The following MAPK4 variants were observed in gnomAD, a reference collection of about 807,000 sequenced individuals.
The protein encoded by MAPK4 is mitogen-activated protein kinase 4.
In MAPK4, 22 loss-of-function variants were observed where a neutral mutation model predicts 47.7. The observed-to-expected ratio is 0.46, with a 90% CI of 0.33 to 0.66. The LOEUF is 0.66. Among genes scored for constraint, MAPK4 ranks in the 30% least tolerant of loss-of-function variants. The probability of loss-of-function intolerance (pLI) is 0.02; values close to 1 mark genes in which losing one functional copy is unlikely to be tolerated. For missense variants in MAPK4, 736 were observed against 831.7 expected (o/e 0.88, Z 1.42); for synonymous variants, 390 against 365.7 (o/e 1.07, Z -0.76).
chr18:50,729,249 G>A lies in MAPK4; in HGVS notation c.1159G>A (p.Ala387Thr). The change falls in exon 6 of 6, where the codon GCG becomes ACG. Residue 387 changes from alanine (A) to threonine (T), a missense_variant. By Grantham distance (58) the Ala-to-Thr change is moderately conservative. Transcript: ENST00000400384. ...ACAGCGCGACCCGCGCGCGGGTTCG[G>A]CGCCACTGGCTGAGGACGTGCAGGT... ...EVQRDPRAGS[A>T]PLAEDVQVDP... is the part of the protein sequence containing the mutation. 1 of 1,608,644 alleles carries A rather than the reference G, an allele frequency of 6.2e-7. No individual in the cohort carries two copies. The highest frequency in any genetic ancestry group is 1.1e-5 in the South Asian group (1 of 90,968).
chr18:50,643,385 G>A (rs2042957536), intron 1 of MAPK4, among the ~76,000 whole-genome samples: 1 of 152,200 alleles, frequency 6.6e-6, no homozygotes, highest in South Asian at 2.1e-4. Flanking sequence ...TGGCATGGTG[G>A]TGCACACTTG....
chr18:50,720,176 G>A (rs1442954598), intron 3 of MAPK4, among the ~76,000 whole-genome samples: 5 of 152,134 alleles, frequency 3.3e-5, no homozygotes, highest in African/African-American at 7.2e-5. Flanking sequence ...CCCAAGTGAC[G>A]TCTGTCACAA....
chr18:50,673,014 C>T (rs778140060), intron 2 of MAPK4, among the ~76,000 whole-genome samples: 3 of 152,184 alleles, frequency 2.0e-5, no homozygotes, highest in Non-Finnish European at 4.4e-5. Flanking sequence ...TAGTGGCTCA[C>T]GCCTGTAATC....
chr18:50,599,490 C>T (rs2042515643), intron 1 of MAPK4, among the ~76,000 whole-genome samples: 1 of 152,182 alleles, frequency 6.6e-6, no homozygotes, highest in Non-Finnish European at 1.5e-5. Context: ...ACAATCTCGG[C>T]TCACTGCAAC....
chr18:50,610,128 T>C (rs2042619510), intron 1 of MAPK4, among the ~76,000 whole-genome samples: 1 of 152,238 alleles, frequency 6.6e-6, no homozygotes, highest in Non-Finnish European at 1.5e-5. Flanking sequence ...CCATTTACTT[T>C]AGCAGAGTTT....
intron 2 of MAPK4, among the ~76,000 whole-genome samples, chr18:50,712,801 T>C (rs1261497897): frequency 6.6e-6 from 1 of 152,196 alleles, no homozygotes; most frequent in Non-Finnish European, 1.5e-5. Context: ...CCCCTGAAGC[T>C]ACCTCCCCTC....
chr18:50,657,335 T>A (rs1174643456), intron 1 of MAPK4, among the ~76,000 whole-genome samples: 5 of 152,118 alleles, frequency 3.3e-5, no homozygotes. Flanking sequence ...CCGGGAAATG[T>A]GAGTCTGACC....
chr18:50,605,440 C>G (rs2042574293), intron 1 of MAPK4, among the ~76,000 whole-genome samples: 1 of 152,210 alleles, frequency 6.6e-6, no homozygotes, highest in Non-Finnish European at 1.5e-5. Context: ...ATTACTTCTC[C>G]TAGAGGTGGG....
intron 2 of MAPK4, among the ~76,000 whole-genome samples, chr18:50,708,773 A>G (rs912650926): frequency 5.3e-5 from 8 of 152,174 alleles, no homozygotes; most frequent in Non-Finnish European, 8.8e-5. Context: ...CAAAGGAGCT[A>G]CATCTGCACA....
chr18:50,569,946 C>T (rs975119580), intron 1 of MAPK4, among the ~76,000 whole-genome samples: 9 of 152,252 alleles, frequency 5.9e-5, no homozygotes, highest in African/African-American at 2.2e-4. Context: ...TTTCTTTTCT[C>T]ACATCTTAAA....
intron 1 of MAPK4, among the ~76,000 whole-genome samples, chr18:50,561,659 C>T (rs926625073): frequency 3.9e-5 from 6 of 152,152 alleles, no homozygotes; most frequent in African/African-American, 1.4e-4. Flanking sequence ...TTCTGAACCT[C>T]GAGTCTTCAA....
At chr18:50,585,706 A>T (rs749738080) in intron 1 of MAPK4, among the ~76,000 whole-genome samples, 2 of 152,222 alleles carry the variant, frequency 1.3e-5, no homozygotes, top group Admixed American at 6.5e-5. Context: ...TGCTATAAAG[A>T]ACTGTCCAAG....
At chr18:50,699,113 T>G (rs1158736297) in intron 2 of MAPK4, among the ~76,000 whole-genome samples, 1 of 151,960 alleles carries the variant, frequency 6.6e-6, no homozygotes, top group Non-Finnish European at 1.5e-5. Context: ...ATTAGAAAAA[T>G]CTATTCTTTT....
intron 1 of MAPK4, among the ~76,000 whole-genome samples, chr18:50,621,406 G>C (rs1248697090): frequency 6.6e-6 from 1 of 152,178 alleles, no homozygotes; most frequent in South Asian, 2.1e-4. Flanking sequence ...ATATCTATGT[G>C]AGCAGGAAAC....
At chr18:50,662,201 T>C (rs1027128564) in intron 1 of MAPK4, among the ~76,000 whole-genome samples, 3 of 152,246 alleles carry the variant, frequency 2.0e-5, no homozygotes, top group South Asian at 2.1e-4. Flanking sequence ...TCTTCTTTCT[T>C]TGTGTGTCTG....
At chr18:50,725,862 A>C in intron 4 of MAPK4, 100 bp from the exon 5 acceptor site, 1 of 985,988 alleles carries the variant, frequency 1.0e-6, no homozygotes, top group Admixed American at 1.8e-5. Context: ...CAAATGCAGA[A>C]GCACAGACAC....
intron 2 of MAPK4, among the ~76,000 whole-genome samples, chr18:50,666,371 G>C (rs1907602582): frequency 6.6e-6 from 1 of 152,184 alleles, no homozygotes; most frequent in Non-Finnish European, 1.5e-5. Context: ...TAATAATTGT[G>C]CTCTGTCTGC....
intron 2 of MAPK4, among the ~76,000 whole-genome samples, chr18:50,671,568 G>T (rs1907949986): frequency 6.6e-6 from 1 of 152,132 alleles, no homozygotes; most frequent in African/African-American, 2.4e-5. Context: ...CTTTGCGTGG[G>T]AGCTCTGGTC....
chr18:50,720,198 C>T (rs145744817), intron 3 of MAPK4, among the ~76,000 whole-genome samples: 84 of 152,276 alleles, frequency 5.5e-4, no homozygotes, highest in African/African-American at 1.8e-3. Flanking sequence ...GAATCACTCA[C>T]GGATGATTAG....
Sources: gnomAD v4.1 joint callset for allele counts (sites outside exome capture counted in the v4.1 genomes callset) on GRCh38, gnomAD v4.1.1 for gene constraint, MANE v1.5 for transcripts, NCBI Gene and HGNC (gene_info 2026-07-23, HGNC 2026-07-21) for gene names.